KCNQ3: variants seen among roughly 807,000 people sequenced by gnomAD.
KCNQ3 encodes potassium voltage-gated channel subfamily KQT member 3.
In KCNQ3, 30 loss-of-function variants were observed where a neutral mutation model predicts 92.5. That is an observed-to-expected ratio of 0.32 (90% CI 0.24 to 0.44). The LOEUF is 0.44. Ranked by LOEUF, KCNQ3 falls within the 20% of genes least tolerant of loss-of-function variation. The pLI, the probability that KCNQ3 is intolerant of heterozygous loss-of-function variation, is 1.00. For synonymous variants in KCNQ3, 450 were observed against 468.8 expected (o/e 0.96, Z 0.52); for missense variants, 913 against 1,140.3 (o/e 0.80, Z 2.87).
chr8:132,158,241 G>C (rs1300066569), intron 9 of KCNQ3, among the ~76,000 whole-genome samples: 2 of 152,156 alleles, frequency 1.3e-5, no homozygotes, highest in Admixed American at 1.3e-4. Context: ...AGTAAAATTA[G>C]GGGATTGGAT....
chr8:132,448,079 G>A (rs1473389591), intron 1 of KCNQ3, among the ~76,000 whole-genome samples: 1 of 152,108 alleles, frequency 6.6e-6, no homozygotes, highest in African/African-American at 2.4e-5. Flanking sequence ...CTCAATAAAC[G>A]TTCCTTCCTA....
At chr8:132,425,499 A>C (rs993668372) in intron 1 of KCNQ3, among the ~76,000 whole-genome samples, 5 of 152,210 alleles carry the variant, frequency 3.3e-5, no homozygotes, top group African/African-American at 9.7e-5. Context: ...ACACAGACAC[A>C]CACAGTACGA....
At chr8:132,301,087 C>T (rs1817200398) in intron 1 of KCNQ3, among the ~76,000 whole-genome samples, 1 of 152,078 alleles carries the variant, frequency 6.6e-6, no homozygotes, top group Admixed American at 6.5e-5. Flanking sequence ...ACTCTTTAAG[C>T]CTACCCCACG....
At chr8:132,480,019 G>T in intron 1 of KCNQ3, 128 bp downstream of exon 1, 1 of 852,970 alleles carries the variant, frequency 1.2e-6, no homozygotes, top group Non-Finnish European at 1.8e-6. Context: ...CTGAGGACGG[G>T]CTGGTCTCCC....
At chr8:132,388,460 C>T (rs1052536932) in intron 1 of KCNQ3, among the ~76,000 whole-genome samples, 2 of 152,068 alleles carry the variant, frequency 1.3e-5, no homozygotes, top group Non-Finnish European at 2.9e-5. Context: ...CGATTAAAAA[C>T]TTTCTACCTT....
chr8:132,422,218 C>T (rs144671107), intron 1 of KCNQ3, among the ~76,000 whole-genome samples: 215 of 152,224 alleles, frequency 1.4e-3, no homozygotes, highest in Middle Eastern at 0.014. Flanking sequence ...AATCAGAGAC[C>T]CACGAGCCAT....
intron 10 of KCNQ3, chr8:132,140,379 T>C (rs528901153): frequency 7.7e-5 from 44 of 569,178 alleles, no homozygotes; most frequent in African/African-American, 7.5e-4. Context: ...TACCCAGAAG[T>C]CCAAGTCAAA....
At chr8:132,396,596 G>A (rs764780020) in intron 1 of KCNQ3, among the ~76,000 whole-genome samples, 7 of 152,146 alleles carry the variant, frequency 4.6e-5, no homozygotes, top group Non-Finnish European at 7.4e-5. Flanking sequence ...TACCAGAATT[G>A]AGGACAGTTG....
chr8:132,407,344 GAGAGC>G (rs1483342019), intron 1 of KCNQ3, among the ~76,000 whole-genome samples: 2 of 152,328 alleles, frequency 1.3e-5, no homozygotes, highest in Non-Finnish European at 2.9e-5. Context: ...AGTGGACAAG[GAGAGC>G]AGAATCCCAA....
At chr8:132,175,669 G>C (rs1400842608) in intron 4 of KCNQ3, 61 bp from the exon 5 acceptor site, 1 of 1,528,998 alleles carries the variant, frequency 6.5e-7, no homozygotes, top group Non-Finnish European at 9.0e-7. Flanking sequence ...GTGGATGCTG[G>C]AGCCAGACAC....
At chr8:132,231,546 G>T (rs1289236229) in intron 1 of KCNQ3, among the ~76,000 whole-genome samples, 1 of 152,110 alleles carries the variant, frequency 6.6e-6, no homozygotes, top group Non-Finnish European at 1.5e-5. Context: ...AAAAGACAAA[G>T]AAACACCAGA....
In KCNQ3 at chr8:132,184,221, G is replaced by A; in HGVS notation, c.604+20C>T. ...AAGAAGGGAACTGAGGAGGCTGGGA[G>A]GCTCAGGGTCAGGACTTACCCAACA... On this transcript the variant is annotated intron_variant, in intron 3 of 14. Coordinates refer to ENST00000388996, the MANE Select transcript of KCNQ3 (RefSeq NM_004519.4). 1 of 1,614,118 alleles carries A rather than the reference G, an allele frequency of 6.2e-7. No homozygotes were observed. The highest frequency in any genetic ancestry group is 1.1e-5 in the South Asian group (1 of 91,076).
At chr8:132,274,166 A>C (rs1484650607) in intron 1 of KCNQ3, among the ~76,000 whole-genome samples, 60 of 152,198 alleles carry the variant, frequency 3.9e-4, no homozygotes, top group Admixed American at 3.9e-3. Context: ...GAGACTGGGA[A>C]GAAAAAGAGG....
intron 1 of KCNQ3, among the ~76,000 whole-genome samples, chr8:132,282,944 T>C (rs969899595): frequency 2.7e-5 from 4 of 149,418 alleles, no homozygotes; most frequent in South Asian, 2.1e-4. Flanking sequence ...TACGAGAGAG[T>C]GAAGGAAGGA....
At chr8:132,166,886 C>A (rs531858577) in intron 8 of KCNQ3, among the ~76,000 whole-genome samples, 2 of 152,224 alleles carry the variant, frequency 1.3e-5, no homozygotes, top group East Asian at 3.9e-4. Context: ...TCTGGCAGTT[C>A]CTCAGGAAGT....
intron 1 of KCNQ3, among the ~76,000 whole-genome samples, chr8:132,261,892 G>A (rs1253841437): frequency 2.0e-5 from 3 of 152,168 alleles, no homozygotes; most frequent in African/African-American, 4.8e-5. Context: ...AAGTTTAAGA[G>A]GGTACTTGTG....
At chr8:132,310,071 C>T (rs1459639807) in intron 1 of KCNQ3, among the ~76,000 whole-genome samples, 1 of 152,106 alleles carries the variant, frequency 6.6e-6, no homozygotes, top group Non-Finnish European at 1.5e-5. Flanking sequence ...AATAGGTTAC[C>T]ATAGGAATAG....
At chr8:132,345,364 G>A (rs1446400166) in intron 1 of KCNQ3, among the ~76,000 whole-genome samples, 1 of 152,204 alleles carries the variant, frequency 6.6e-6, no homozygotes, top group African/African-American at 2.4e-5. Context: ...CTGAGGCAGA[G>A]TGATGGTCCA....
Position 132,224,081 on chromosome 8 carries a change from A to ATT in KCNQ3, c.387-37902_387-37901dup, listed in dbSNP as rs1164773143. ...CAGACACACACCATCATGCCAGGCT[A>ATT]TTTTTTTTTTTTTTTTTTTTTTTTT... On this transcript the variant is annotated intron_variant, in intron 1 of 14. Coordinates refer to ENST00000388996, the MANE Select transcript of KCNQ3 (RefSeq NM_004519.4). Among the ~76,000 whole-genome samples, 224 of 39,442 alleles carry ATT rather than the reference A, an allele frequency of 5.7e-3. 10 individuals carry two copies. Among genetic ancestry groups the ATT allele is most frequent in the Middle Eastern group, 0.048 (2 of 42 alleles). 25.9% of individuals were successfully genotyped at this position (39,442 alleles called of 152,430 possible). A position where few individuals can be genotyped will look rare whatever the true frequency, so the allele number is the denominator to read the frequency against.
Sources: allele counts gnomAD v4.1 joint callset (sites outside exome capture counted in the v4.1 genomes callset), GRCh38; gene constraint gnomAD v4.1.1; transcripts MANE v1.5; gene names NCBI Gene and HGNC (gene_info 2026-07-23, HGNC 2026-07-21).